Variants in PUM3 observed in about 807,000 individuals in gnomAD.
PUM3 encodes the protein pumilio homolog 3.
In PUM3, 91 loss-of-function variants were observed where a neutral mutation model predicts 84.0. The observed-to-expected ratio is 1.08, with a 90% CI of 0.91 to 1.29. The LOEUF (loss-of-function observed/expected upper bound fraction) is 1.29, where lower values mean the gene tolerates loss of function less well. Among genes scored for constraint, PUM3 ranks in the 50% most tolerant of loss-of-function variants. The pLI is 0.00. For missense variants in PUM3, 1,067 were observed against 767.5 expected (o/e 1.39, Z -4.61); for synonymous variants, 321 against 266.7 (o/e 1.20, Z -1.98).
chr9:2,804,217 A>C lies in PUM3; in HGVS notation c.*114T>G, dbSNP rs1821214886. On this transcript the variant is annotated 3_prime_UTR_variant, in exon 18 of 18. Transcript: ENST00000397885. ...AGATTCGTATACAAAGAAGAAACAC[A>C]TATACAGAGTACCCCAATTACCAGT... The C allele has an allele frequency of 1.3e-5, 13 of 1,015,914 alleles. No homozygotes were observed. Among genetic ancestry groups the C allele is most frequent in the South Asian group, 1.2e-4 (7 of 58,840 alleles). 62.9% of individuals were successfully genotyped at this position (1,015,914 alleles called of 1,614,324 possible).
chr9:2,837,660 A>G (rs561872480), intron 2 of PUM3, among the ~76,000 whole-genome samples: 29 of 152,306 alleles, frequency 1.9e-4, no homozygotes, highest in Non-Finnish European at 3.7e-4. Context: ...ACCACTAAAG[A>G]TAAACACTGG....
At chr9:2,814,047 A>T (rs941765807) in intron 13 of PUM3, among the ~76,000 whole-genome samples, 3 of 27,684 alleles carry the variant, frequency 1.1e-4, no homozygotes, top group African/African-American at 3.1e-4. Flanking sequence ...AGAGCTGAAA[A>T]TTCAATAGGT....
At chr9:2,840,339 G>T (rs920377737) in intron 1 of PUM3, among the ~76,000 whole-genome samples, 1 of 152,114 alleles carries the variant, frequency 6.6e-6, no homozygotes, top group South Asian at 2.1e-4. Context: ...CCAGAAGGAG[G>T]GGTACTAAAG....
chr9:2,828,616 G>A (rs1176952873), intron 9 of PUM3, 59 bp downstream of exon 9: 3 of 1,032,912 alleles, frequency 2.9e-6, no homozygotes, highest in Non-Finnish European at 3.0e-6. Context: ...AACAGTTATG[G>A]AAAACCTTCC....
At chr9:2,820,525 T>C (rs1316138442) in intron 12 of PUM3, among the ~76,000 whole-genome samples, 1 of 151,998 alleles carries the variant, frequency 6.6e-6, no homozygotes, top group African/African-American at 2.4e-5. Flanking sequence ...ACTCATACAA[T>C]TTTACACACA....
intron 13 of PUM3, among the ~76,000 whole-genome samples, chr9:2,816,150 A>G (rs1821464547): frequency 6.6e-6 from 1 of 152,256 alleles, no homozygotes; most frequent in South Asian, 2.1e-4. Flanking sequence ...CTCTTACGGT[A>G]GTTTGCTATG....
At chr9:2,836,496 C>T (rs1483826438) in intron 3 of PUM3, among the ~76,000 whole-genome samples, 1 of 152,110 alleles carries the variant, frequency 6.6e-6, no homozygotes, top group African/African-American at 2.4e-5. Context: ...CAGAGATGGG[C>T]AGTTTGTTTC....
intron 8 of PUM3, 138 bp from the exon 9 acceptor site, chr9:2,828,916 C>T (rs1253207012): frequency 1.5e-6 from 1 of 653,682 alleles, no homozygotes; most frequent in East Asian, 2.8e-5. Flanking sequence ...GAAAGCTCTG[C>T]TGTATATCCT....
chr9:2,837,076 G>A lies in PUM3; in HGVS notation c.304+104C>T, dbSNP rs140734492. The A allele has an allele frequency of 7.5e-4, 725 of 968,874 alleles. 3 individuals are homozygous for A. The highest frequency in any genetic ancestry group is 5.6e-3 in the African/African-American group (343 of 61,374). 60.0% of individuals were successfully genotyped at this position (968,874 alleles called of 1,614,324 possible). A position where few individuals can be genotyped will look rare whatever the true frequency, so the allele number is the denominator to read the frequency against. On this transcript the variant is annotated intron_variant, in intron 3 of 17. Coordinates refer to ENST00000397885, the MANE Select transcript of PUM3 (RefSeq NM_014878.5). ...TTAAGCCACCTACCTGTCCCAAAAT[G>A]TTACCTGCCAAGGAATAAGAATGTG...
rs898566185 is a variant in PUM3 at position 2,820,182 on chromosome 9, G to C, written c.1189-84C>G. On this transcript the variant is annotated intron_variant, in intron 12 of 17. Coordinates refer to ENST00000397885, the MANE Select transcript of PUM3 (RefSeq NM_014878.5). ...TTCACACATGGAATATCTTCATAAAGGTAGAGCGAGACTCCGCTCAAAAAA... is the reference window on the plus strand; with the variant it reads ...TTCACACATGGAATATCTTCATAAACGTAGAGCGAGACTCCGCTCAAAAAA... The C allele has an allele frequency of 4.4e-5, 28 of 639,378 alleles. No homozygotes were observed. The African/African-American group carries it at 5.1e-4, about 12-fold the overall frequency. 39.6% of individuals were successfully genotyped at this position (639,378 alleles called of 1,614,324 possible).
At chr9:2,812,996 CA>C (rs1226064062) in intron 13 of PUM3, among the ~76,000 whole-genome samples, 1 of 152,154 alleles carries the variant, frequency 6.6e-6, no homozygotes, top group Non-Finnish European at 1.5e-5. Flanking sequence ...TTAAATCGAA[CA>C]AGTGGATAAA....
intron 13 of PUM3, among the ~76,000 whole-genome samples, chr9:2,817,496 A>G (rs984342625): frequency 6.6e-6 from 1 of 152,252 alleles, no homozygotes; most frequent in Non-Finnish European, 1.5e-5. Context: ...ACCCCTGACA[A>G]TAAATCTCAC....
intron 8 of PUM3, 79 bp from the exon 9 acceptor site, chr9:2,828,857 AT>A (rs1815896683): frequency 1.2e-6 from 1 of 808,712 alleles, no homozygotes; most frequent in Non-Finnish European, 2.1e-6. Context: ...GTAATTAGTC[AT>A]TTTAAAATAA....
chr9:2,807,706 A>C (rs1387402282), intron 17 of PUM3, 108 bp downstream of exon 17: 1 of 667,968 alleles, frequency 1.5e-6, no homozygotes, highest in Non-Finnish European at 2.6e-6. Flanking sequence ...GACTGGGAGT[A>C]ATATTAGACT....
intron 4 of PUM3, 129 bp from the exon 5 acceptor site, chr9:2,833,561 C>G (rs1816041998): frequency 3.9e-6 from 2 of 511,000 alleles, no homozygotes; most frequent in East Asian, 3.3e-5. Context: ...CAGCAAACCT[C>G]TGCCATTAAA....
At chr9:2,838,101 G>C (rs901966438) in intron 2 of PUM3, among the ~76,000 whole-genome samples, 18 of 152,076 alleles carry the variant, frequency 1.2e-4, no homozygotes, top group African/African-American at 4.3e-4. Flanking sequence ...AACGTATTTG[G>C]CTTATGAGCA....
In PUM3 at chr9:2,811,485, T is replaced by G; in HGVS notation, c.1511A>C (p.Asp504Ala). 6.2e-7 allele frequency: 1 copy of G among 1,614,166 alleles called. No individual in the cohort carries two copies. The highest frequency in any genetic ancestry group is 8.5e-7 in the Non-Finnish European group (1 of 1,180,024). Reference sequence around the variant, plus strand: ...AGACACCAACACACACGCAGACTTATCTAGCACCACTTCTTGGGCGTGTTC... The same window carrying G: ...AGACACCAACACACACGCAGACTTAGCTAGCACCACTTCTTGGGCGTGTTC... ...LQEHAQEVVL[D>A]KSACVLVSDI... The change falls in exon 15 of 18, where the codon GAT becomes GCT. Residue 504 changes from aspartate to alanine, a missense_variant. Asp to Ala is a moderately radical substitution (Grantham distance 126). Transcript: ENST00000397885.
chr9:2,822,295 C>G (rs1427388655), intron 12 of PUM3, among the ~76,000 whole-genome samples: 3 of 152,032 alleles, frequency 2.0e-5, no homozygotes, highest in Non-Finnish European at 4.4e-5. Context: ...CCAAACAACT[C>G]TACAATATAT....
chr9:2,837,504 C>A, intron 2 of PUM3, 103 bp from the exon 3 acceptor site: 1 of 700,238 alleles, frequency 1.4e-6, no homozygotes. Flanking sequence ...AATCCCAATA[C>A]CATGTCTTAC....
Sources: allele counts gnomAD v4.1 joint callset (sites outside exome capture counted in the v4.1 genomes callset), GRCh38; gene constraint gnomAD v4.1.1; transcripts MANE v1.5; gene names NCBI Gene and HGNC (gene_info 2026-07-23, HGNC 2026-07-21).